NEGR1: variants seen among roughly 807,000 people sequenced by gnomAD.
The protein encoded by NEGR1 is IgLON family member 4.
A neutral mutation model predicts 40.9 loss-of-function variants in NEGR1; 10 were observed. That is an observed-to-expected ratio of 0.24 (90% confidence interval 0.15 to 0.42). The LOEUF (loss-of-function observed/expected upper bound fraction) is 0.42, where lower values mean the gene tolerates loss of function less well. NEGR1 is among the 10% of genes least tolerant of loss of function. The probability of loss-of-function intolerance (pLI) is 1.00; values close to 1 mark genes in which losing one functional copy is unlikely to be tolerated. For missense variants in NEGR1, 352 were observed against 438.9 expected (o/e 0.80, Z 1.77); for synonymous variants, 185 against 166.8 (o/e 1.11, Z -0.84).
intron 2 of NEGR1, among the ~76,000 whole-genome samples, chr1:71,804,557 A>G (rs985260485): frequency 6.6e-6 from 1 of 152,232 alleles, no homozygotes; most frequent in Non-Finnish European, 1.5e-5. Flanking sequence ...CCCCAAATTA[A>G]TACTTTTATA....
chr1:72,251,373 C>T (rs1362295024), intron 1 of NEGR1, among the ~76,000 whole-genome samples: 2 of 152,080 alleles, frequency 1.3e-5, no homozygotes, highest in Non-Finnish European at 2.9e-5. Flanking sequence ...TTAGTATAAA[C>T]ATTAATAGAT....
At chr1:71,833,547 C>T (rs932160126) in intron 2 of NEGR1, among the ~76,000 whole-genome samples, 2 of 151,932 alleles carry the variant, frequency 1.3e-5, no homozygotes, top group Admixed American at 6.6e-5. Flanking sequence ...GAGAAGCAAA[C>T]AAAACAAATG....
chr1:72,013,882 A>T (rs1464895783), intron 1 of NEGR1, among the ~76,000 whole-genome samples: 1 of 150,830 alleles, frequency 6.6e-6, no homozygotes, highest in African/African-American at 2.4e-5. Flanking sequence ...CAGTATGATT[A>T]ATAGGTAGGT....
Position 71,444,904 on chromosome 1 carries a change from T to C in NEGR1, c.941-37334A>G, listed in dbSNP as rs1646570806. On this transcript the variant is annotated intron_variant, in intron 6 of 6. Transcript: ENST00000357731. ...TTCTTGAAATCATGAATATATATTT[T>C]GAGCAACTACTATGTGCCAAGCACT... Among the ~76,000 whole-genome samples, 4 of 152,330 alleles carry C rather than the reference T, an allele frequency of 2.6e-5. No individual in the cohort carries two copies. In the South Asian group the frequency reaches 8.3e-4, roughly 32 times the overall value.
At chr1:71,450,193 G>T (rs1483268624) in intron 6 of NEGR1, among the ~76,000 whole-genome samples, 2 of 151,568 alleles carry the variant, frequency 1.3e-5, no homozygotes, top group African/African-American at 4.8e-5. Flanking sequence ...GTTTCACCAT[G>T]TTGGTTAGGT....
At chr1:71,934,660 T>C (rs540162187) in intron 2 of NEGR1, among the ~76,000 whole-genome samples, 8 of 152,248 alleles carry the variant, frequency 5.3e-5, no homozygotes, top group East Asian at 3.9e-4. Flanking sequence ...CAAAGATTTA[T>C]TGAAGGGATG....
At chr1:72,193,622 T>C (rs1247314774) in intron 1 of NEGR1, among the ~76,000 whole-genome samples, 2 of 150,052 alleles carry the variant, frequency 1.3e-5, no homozygotes, top group African/African-American at 4.9e-5. Context: ...CCACAGATAT[T>C]ATTTAATTTT....
intron 5 of NEGR1, among the ~76,000 whole-genome samples, chr1:71,595,994 A>G (rs913065074): frequency 1.1e-4 from 16 of 151,556 alleles, no homozygotes; most frequent in Non-Finnish European, 1.8e-4. Context: ...AGATTATACA[A>G]TGAAATATGC....
rs144108052 is a variant in NEGR1, at chr1:72,247,910, G to T, written c.176+34409C>A. Among the ~76,000 whole-genome samples, 793 of 152,206 alleles carry T rather than the reference G, an allele frequency of 5.2e-3. 8 individuals are homozygous for T. The highest frequency in any genetic ancestry group is 0.018 in the African/African-American group (765 of 41,516). Reference sequence around the variant, plus strand: ...TTTAAGAAGCATGGTGCCAACATCCGCTTGGATTCTGGGGAGGCATCGGGA... The same window carrying T: ...TTTAAGAAGCATGGTGCCAACATCCTCTTGGATTCTGGGGAGGCATCGGGA... On this transcript the variant is annotated intron_variant, in intron 1 of 6. Transcript: ENST00000357731.
At chr1:71,756,393 A>C (rs895168343) in intron 3 of NEGR1, among the ~76,000 whole-genome samples, 5 of 119,152 alleles carry the variant, frequency 4.2e-5, no homozygotes, top group African/African-American at 1.0e-4. Context: ...CCTCAAAAAA[A>C]CAAAAAACAA....
rs1023455078 is a variant in NEGR1, at chr1:71,921,685, G to A, written c.409+13394C>T. Among the ~76,000 whole-genome samples, 21 of 129,516 alleles carry A rather than the reference G, an allele frequency of 1.6e-4. No homozygotes were observed. In the South Asian group the frequency reaches 2.2e-3, roughly 14 times the overall value. 85.0% of individuals were successfully genotyped at this position (129,516 alleles called of 152,430 possible). The stretch of plus-strand genomic sequence containing the variant: ...ATATATATAGAATATTATATATATA[G>A]AATAGATACAGTACAAGAATATATA... On this transcript the variant is annotated intron_variant, in intron 2 of 6. Coordinates refer to ENST00000357731, the MANE Select transcript of NEGR1 (RefSeq NM_173808.3).
At chr1:71,861,598 G>T (rs1301782059) in intron 2 of NEGR1, among the ~76,000 whole-genome samples, 2 of 152,020 alleles carry the variant, frequency 1.3e-5, no homozygotes, top group African/African-American at 2.4e-5. Flanking sequence ...GGGTTCATTA[G>T]CACAATTCAG....
chr1:71,770,489 A>G (rs1656279192), intron 3 of NEGR1, among the ~76,000 whole-genome samples: 4 of 152,238 alleles, frequency 2.6e-5, no homozygotes, highest in African/African-American at 9.6e-5. Context: ...TTAAAGCAAA[A>G]TGTAATGATT....
chr1:71,762,355 A>T (rs1388756564), intron 3 of NEGR1, among the ~76,000 whole-genome samples: 6 of 152,088 alleles, frequency 3.9e-5, no homozygotes, highest in Admixed American at 2.6e-4. Context: ...GTTTAAATAC[A>T]TCAATCAAAA....
At chr1:71,719,179 G>A (rs941564300) in intron 3 of NEGR1, among the ~76,000 whole-genome samples, 3 of 152,018 alleles carry the variant, frequency 2.0e-5, no homozygotes, top group African/African-American at 7.2e-5. Flanking sequence ...GGCCCTTCTC[G>A]AATTTGAAAC....
intron 1 of NEGR1, among the ~76,000 whole-genome samples, chr1:72,020,941 T>C (rs756754572): frequency 2.0e-5 from 3 of 152,088 alleles, no homozygotes; most frequent in Non-Finnish European, 2.9e-5. Flanking sequence ...ATAAACAAAA[T>C]AGGCTATTAA....
At chr1:71,470,609 C>G (rs1289693291) in intron 6 of NEGR1, among the ~76,000 whole-genome samples, 1 of 152,032 alleles carries the variant, frequency 6.6e-6, no homozygotes, top group African/African-American at 2.4e-5. Flanking sequence ...ACTGCCTGAT[C>G]CTTGTCAATT....
intron 1 of NEGR1, among the ~76,000 whole-genome samples, chr1:72,201,544 C>A (rs919938776): frequency 6.6e-6 from 1 of 151,766 alleles, no homozygotes; most frequent in South Asian, 2.1e-4. Context: ...AAAATATGGA[C>A]AGCTTGGACG....
At chr1:71,983,973 G>GT (rs1646375152) in intron 1 of NEGR1, among the ~76,000 whole-genome samples, 1 of 117,680 alleles carries the variant, frequency 8.5e-6, no homozygotes, top group East Asian at 5.8e-4. Flanking sequence ...GAATGCTAAA[G>GT]GAGTCTCAAA....
Sources: gnomAD v4.1 joint callset for allele counts (sites outside exome capture counted in the v4.1 genomes callset) on GRCh38, gnomAD v4.1.1 for gene constraint, MANE v1.5 for transcripts, NCBI Gene and HGNC (gene_info 2026-07-23, HGNC 2026-07-21) for gene names.